ABCC4: variants seen among roughly 807,000 people sequenced by gnomAD.
ABCC4 encodes ATP-binding cassette sub-family C member 4.
In ABCC4, 102 loss-of-function variants were observed where a neutral mutation model predicts 168.5. The observed-to-expected ratio is 0.61, with a 90% CI of 0.52 to 0.71. The LOEUF (loss-of-function observed/expected upper bound fraction) is 0.71, where lower values mean the gene tolerates loss of function less well. Ranked by LOEUF, ABCC4 falls within the 30% of genes least tolerant of loss-of-function variation. The pLI is 0.00. For missense variants in ABCC4, 1,402 were observed against 1,605.8 expected (o/e 0.87, Z 2.17); for synonymous variants, 617 against 590.7 (o/e 1.04, Z -0.65).
chr13:95,036,371 G>C (rs2032120057), intron 29 of ABCC4, among the ~76,000 whole-genome samples: 1 of 151,934 alleles, frequency 6.6e-6, no homozygotes, highest in Non-Finnish European at 1.5e-5. Context: ...CTACTATTTG[G>C]TCCTTGTCCA....
At chr13:95,115,453 C>T (rs1314156928) in intron 20 of ABCC4, among the ~76,000 whole-genome samples, 2 of 149,376 alleles carry the variant, frequency 1.3e-5, no homozygotes, top group Non-Finnish European at 3.0e-5. Context: ...TTATTTTCAC[C>T]TTATTATTAC....
At chr13:95,167,357 T>G (rs2037316278) in intron 14 of ABCC4, among the ~76,000 whole-genome samples, 1 of 152,062 alleles carries the variant, frequency 6.6e-6, no homozygotes, top group Admixed American at 6.5e-5. Flanking sequence ...CCCCATGAAA[T>G]GAGACCCAAC....
At chr13:95,278,097 C>T (rs2041016504) in intron 1 of ABCC4, among the ~76,000 whole-genome samples, 1 of 149,474 alleles carries the variant, frequency 6.7e-6, no homozygotes, top group Non-Finnish European at 1.5e-5. Context: ...TGCCATTGTT[C>T]TTATGTATAA....
chr13:95,228,219 G>A (rs572075454), intron 4 of ABCC4, among the ~76,000 whole-genome samples: 1 of 152,226 alleles, frequency 6.6e-6, no homozygotes, highest in African/African-American at 2.4e-5. Flanking sequence ...GGGAAGACTG[G>A]GATGCAGCCA....
chr13:95,048,256 T>A (rs941695242), intron 27 of ABCC4, among the ~76,000 whole-genome samples: 1 of 152,216 alleles, frequency 6.6e-6, no homozygotes, highest in Non-Finnish European at 1.5e-5. Context: ...CAAATCATAC[T>A]ATTTGAAACT....
At chr13:95,211,946 G>A (rs2038969836) in intron 4 of ABCC4, among the ~76,000 whole-genome samples, 1 of 152,128 alleles carries the variant, frequency 6.6e-6, no homozygotes, top group South Asian at 2.1e-4. Flanking sequence ...TAGTGGGGCT[G>A]AAGGCAGATC....
chr13:95,207,076 G>A (rs1050035321), intron 7 of ABCC4, among the ~76,000 whole-genome samples: 2 of 152,140 alleles, frequency 1.3e-5, no homozygotes, highest in Non-Finnish European at 2.9e-5. Context: ...CACTCTTGTC[G>A]CCCAGGCAAT....
At chr13:95,078,753 C>T (rs2033995142) in intron 21 of ABCC4, among the ~76,000 whole-genome samples, 1 of 152,212 alleles carries the variant, frequency 6.6e-6, no homozygotes, top group South Asian at 2.1e-4. Context: ...TAGAACCATG[C>T]TCTTACCTCC....
At chr13:95,217,969 CA>C (rs1259523071) in intron 4 of ABCC4, among the ~76,000 whole-genome samples, 2 of 152,234 alleles carry the variant, frequency 1.3e-5, no homozygotes, top group East Asian at 3.9e-4. Context: ...AATGTCACAC[CA>C]TTACCTACTA....
At chr13:95,047,869 T>C (rs986864001) in intron 27 of ABCC4, among the ~76,000 whole-genome samples, 1 of 152,190 alleles carries the variant, frequency 6.6e-6, no homozygotes, top group African/African-American at 2.4e-5. Flanking sequence ...TAATATTATA[T>C]TACATATGCA....
intron 9 of ABCC4, among the ~76,000 whole-genome samples, chr13:95,190,404 G>T (rs978179512): frequency 1.3e-5 from 2 of 152,138 alleles, no homozygotes; most frequent in Non-Finnish European, 2.9e-5. Flanking sequence ...TTTACAAAGA[G>T]CTTCTAAATA....
chr13:95,238,485 A>G (rs561211569), intron 3 of ABCC4, among the ~76,000 whole-genome samples: 2 of 152,150 alleles, frequency 1.3e-5, no homozygotes, highest in African/African-American at 4.8e-5. Flanking sequence ...TGTAGAAACC[A>G]ATGCCTGTAC....
At chr13:95,253,406 A>T (rs2040316004) in intron 1 of ABCC4, among the ~76,000 whole-genome samples, 1 of 152,068 alleles carries the variant, frequency 6.6e-6, no homozygotes, top group African/African-American at 2.4e-5. Context: ...CTGGGCACAT[A>T]GAAGGCACCT....
intron 1 of ABCC4, among the ~76,000 whole-genome samples, chr13:95,274,399 A>G (rs1485765091): frequency 2.6e-5 from 4 of 152,196 alleles, no homozygotes; most frequent in African/African-American, 9.7e-5. Context: ...ACCCAGAGCT[A>G]TGCCGTCTTT....
At chr13:95,086,341 A>C (rs1040410112) in intron 20 of ABCC4, among the ~76,000 whole-genome samples, 5 of 152,128 alleles carry the variant, frequency 3.3e-5, no homozygotes, top group African/African-American at 1.2e-4. Flanking sequence ...TTAAGAAAAA[A>C]AGAAGAACCA....
At chr13:95,256,750 C>T (rs970824335) in intron 1 of ABCC4, among the ~76,000 whole-genome samples, 13 of 151,334 alleles carry the variant, frequency 8.6e-5, no homozygotes, top group African/African-American at 3.2e-4. Context: ...AGAGTGAGAC[C>T]CTGTCTCAAA....
Position 95,261,535 on chromosome 13 carries a change from C to A in ABCC4, c.75-13782G>T, listed in dbSNP as rs114530410. On this transcript the variant is annotated intron_variant, in intron 1 of 30. Coordinates refer to ENST00000645237, the MANE Select transcript of ABCC4 (RefSeq NM_005845.5). Reference sequence around the variant, plus strand: ...AGCTCTTCTTATCCACAAAACATATCTTAAATTCATTGTCATTAAAACAAG... The same window carrying A: ...AGCTCTTCTTATCCACAAAACATATATTAAATTCATTGTCATTAAAACAAG... 3.0e-3 allele frequency among the ~76,000 whole-genome samples: 452 copies of A among 152,164 alleles called. 2 individuals are homozygous for A. The highest frequency in any genetic ancestry group is 0.01 in the African/African-American group (427 of 41,516).
chr13:95,298,078 C>A (rs1443993390), intron 1 of ABCC4, among the ~76,000 whole-genome samples: 2 of 152,124 alleles, frequency 1.3e-5, no homozygotes, highest in Non-Finnish European at 2.9e-5. Flanking sequence ...CACCTGAGGT[C>A]AGGAGTTCAA....
Position 95,206,665 on chromosome 13 carries a change from C to T in ABCC4, c.1028G>A (p.Gly343Asp). 1.2e-6 allele frequency: 2 copies of T among 1,614,158 alleles called. No individual in the cohort carries two copies. The highest frequency in any genetic ancestry group is 1.7e-6 in the Non-Finnish European group (2 of 1,180,046). Residue 343 changes from glycine to aspartate, a missense_variant, in exon 8 of 31, where the codon GGC becomes GAC. Physicochemically the swap from Gly to Asp is moderately conservative, Grantham distance 94. Coordinates refer to ENST00000645237, the MANE Select transcript of ABCC4 (RefSeq NM_005845.5). ...CACGCGGCTGGCTGTGATCACACTG[C>T]CGAGGAGCACGTAGGTGGTGAAGGT... ...FVTFTTYVLLGSVITASRVFV... is the reference protein window; with the variant it reads ...FVTFTTYVLLDSVITASRVFV...
Sources: allele counts gnomAD v4.1 joint callset (sites outside exome capture counted in the v4.1 genomes callset), GRCh38; gene constraint gnomAD v4.1.1; transcripts MANE v1.5; gene names NCBI Gene and HGNC (gene_info 2026-07-23, HGNC 2026-07-21).